The following FBXL17 variants were observed in gnomAD, a reference collection of about 807,000 sequenced individuals.
The protein encoded by FBXL17 is F-box and leucine rich repeat protein 17, also known as F-box/LRR-repeat protein 17.
A neutral mutation model predicts 66.2 loss-of-function variants in FBXL17; 22 were observed. The observed-to-expected ratio is 0.33, with a 90% CI of 0.24 to 0.47. The LOEUF (loss-of-function observed/expected upper bound fraction) is 0.47, where lower values mean the gene tolerates loss of function less well. Among genes scored for constraint, FBXL17 ranks in the 20% least tolerant of loss-of-function variants. The pLI, the probability that FBXL17 is intolerant of heterozygous loss-of-function variation, is 1.00. For synonymous variants in FBXL17, 474 were observed against 400.5 expected, an observed-to-expected ratio of 1.18 and a Z score of -2.19; for missense variants, 878 against 948.2, an observed-to-expected ratio of 0.93 and a Z score of 0.97.
At position 108,157,289 on chromosome 5, in the gene FBXL17, C is replaced by T. The variant is rs117371250; in HGVS notation, c.1745+28828G>A. Among the ~76,000 whole-genome samples the T allele has an allele frequency of 2.1e-3, 325 of 151,622 alleles. 11 individuals are homozygous for T. In the East Asian group the frequency reaches 0.055, roughly 26 times the overall value. On this transcript the variant is annotated intron_variant, in intron 6 of 8. Coordinates refer to ENST00000542267, the MANE Select transcript of FBXL17 (RefSeq NM_001163315.3). Reference sequence around the variant, plus strand: ...AAAGGTTTCTGTCCAAAAGACTTTTCCATTGCAAATAATTCATTTCCTTTG... The same window carrying T: ...AAAGGTTTCTGTCCAAAAGACTTTTTCATTGCAAATAATTCATTTCCTTTG...
At chr5:108,065,242 C>T (rs1441900242) in intron 6 of FBXL17, among the ~76,000 whole-genome samples, 2 of 152,192 alleles carry the variant, frequency 1.3e-5, no homozygotes, top group Non-Finnish European at 2.9e-5. Flanking sequence ...AGCATACATG[C>T]TGTTTTCATG....
chr5:108,248,453 C>T (rs1309077822), intron 4 of FBXL17, among the ~76,000 whole-genome samples: 1 of 152,012 alleles, frequency 6.6e-6, no homozygotes, highest in Non-Finnish European at 1.5e-5. Flanking sequence ...CCTTAGACAC[C>T]TACGTGACTA....
At chr5:107,893,759 G>C (rs1210507159) in intron 7 of FBXL17, among the ~76,000 whole-genome samples, 1 of 152,110 alleles carries the variant, frequency 6.6e-6, no homozygotes, top group Non-Finnish European at 1.5e-5. Context: ...TGACACCTAG[G>C]TGGTATTTCT....
chr5:108,356,168 A>G (rs1003204815), intron 3 of FBXL17, among the ~76,000 whole-genome samples: 1 of 152,196 alleles, frequency 6.6e-6, no homozygotes, highest in African/African-American at 2.4e-5. Flanking sequence ...TAAAGGAGTC[A>G]ACACTCCAAA....
chr5:108,247,761 T>G (rs186417370), intron 4 of FBXL17, among the ~76,000 whole-genome samples: 3 of 152,196 alleles, frequency 2.0e-5, no homozygotes, highest in Non-Finnish European at 4.4e-5. Context: ...GGGCTTTTAG[T>G]GGTTTACATC....
intron 4 of FBXL17, among the ~76,000 whole-genome samples, chr5:108,289,234 A>ATTATTAATT (rs1373214875): frequency 5.3e-5 from 8 of 152,288 alleles, no homozygotes; most frequent in African/African-American, 1.7e-4. Flanking sequence ...ATAATGTGTT[A>ATTATTAATT]TTATTAATTT....
At chr5:107,935,956 T>C (rs1204555833) in intron 7 of FBXL17, among the ~76,000 whole-genome samples, 3 of 152,142 alleles carry the variant, frequency 2.0e-5, no homozygotes, top group Non-Finnish European at 4.4e-5. Context: ...AGTGGGGCTG[T>C]AGGGTCAAGT....
intron 6 of FBXL17, among the ~76,000 whole-genome samples, chr5:108,021,711 G>A (rs760692679): frequency 2.0e-5 from 3 of 151,466 alleles, no homozygotes; most frequent in Admixed American, 6.6e-5. Context: ...ATACAGATTC[G>A]AATGAACTTT....
At chr5:108,139,059 A>C (rs1174588155) in intron 6 of FBXL17, among the ~76,000 whole-genome samples, 1 of 152,196 alleles carries the variant, frequency 6.6e-6, no homozygotes, top group Non-Finnish European at 1.5e-5. Context: ...TAATACTCAG[A>C]TGAAATGATC....
chr5:107,985,513 T>A (rs1473224792), intron 7 of FBXL17, among the ~76,000 whole-genome samples: 1 of 152,236 alleles, frequency 6.6e-6, no homozygotes, highest in Non-Finnish European at 1.5e-5. Context: ...ATGCCTATGA[T>A]GTGTGTTTTC....
chr5:108,050,180 G>A (rs554804384), intron 6 of FBXL17, among the ~76,000 whole-genome samples: 26 of 152,290 alleles, frequency 1.7e-4, no homozygotes, highest in African/African-American at 5.1e-4. Context: ...ATAGATTAAC[G>A]AGACAGAAAA....
At chr5:108,176,141 T>C (rs943702168) in intron 6 of FBXL17, among the ~76,000 whole-genome samples, 1 of 152,186 alleles carries the variant, frequency 6.6e-6, no homozygotes, top group African/African-American at 2.4e-5. Flanking sequence ...TTCTTCATTG[T>C]TGGCAATTTT....
At chr5:108,333,322 G>GCCACATCTGAGA (rs1161165456) in intron 4 of FBXL17, among the ~76,000 whole-genome samples, 1 of 151,928 alleles carries the variant, frequency 6.6e-6, no homozygotes, top group Non-Finnish European at 1.5e-5. Flanking sequence ...GAAGATGTAA[G>GCCACATCTGAGA]GTTACCTGAG....
rs146845013 is a variant in FBXL17 at position 108,124,519 on chromosome 5, G to T, written c.1745+61598C>A. On this transcript the variant is annotated intron_variant, in intron 6 of 8. Transcript: ENST00000542267. Reference sequence around the variant, plus strand: ...ATTTTAAAGAACAAACATAATTACAGGCATTTAAGCCCAGGAATGACTAAA... The same window carrying T: ...ATTTTAAAGAACAAACATAATTACATGCATTTAAGCCCAGGAATGACTAAA... 3.1e-3 allele frequency among the ~76,000 whole-genome samples: 475 copies of T among 152,032 alleles called. 2 individuals carry two copies. Among genetic ancestry groups the T allele is most frequent in the African/African-American group, 0.011 (458 of 41,508 alleles).
At chr5:107,978,227 C>T (rs944648335) in intron 7 of FBXL17, among the ~76,000 whole-genome samples, 5 of 151,662 alleles carry the variant, frequency 3.3e-5, no homozygotes, top group Admixed American at 2.0e-4. Context: ...ACGCTGGCTG[C>T]CTTCACTCAT....
chr5:108,381,808 GCGCACACACA>G lies in FBXL17; in HGVS notation c.-127_-118del, dbSNP rs1023939973. On this transcript the variant is annotated 5_prime_UTR_variant, in exon 1 of 9. Coordinates refer to ENST00000542267, the MANE Select transcript of FBXL17 (RefSeq NM_001163315.3). ...GGCCCCCGGAGGGGTCGCCCTTCCT[GCGCACACACA>G]CGCACACACGGGCACACACGCGACG... is the stretch of plus-strand genomic sequence containing the variant. 1.6e-4 allele frequency: 215 copies of G among 1,352,300 alleles called. No homozygotes were observed. The highest frequency in any genetic ancestry group is 1.8e-4 in the Non-Finnish European group (190 of 1,057,030). 83.8% of individuals were successfully genotyped at this position (1,352,300 alleles called of 1,614,324 possible). A position where few individuals can be genotyped will look rare whatever the true frequency, so the allele number is the denominator to read the frequency against.
intron 7 of FBXL17, among the ~76,000 whole-genome samples, chr5:107,988,183 T>G (rs1753096098): frequency 1.3e-5 from 2 of 152,026 alleles, no homozygotes. Flanking sequence ...AAATATATCC[T>G]GCGTATAATA....
intron 6 of FBXL17, among the ~76,000 whole-genome samples, chr5:108,139,467 A>G (rs939388929): frequency 1.3e-5 from 2 of 152,194 alleles, no homozygotes; most frequent in Non-Finnish European, 2.9e-5. Context: ...CTTCTGCTGG[A>G]GGAAATACAA....
intron 4 of FBXL17, among the ~76,000 whole-genome samples, chr5:108,300,060 T>G (rs560712239): frequency 1.3e-5 from 2 of 152,214 alleles, no homozygotes; most frequent in South Asian, 2.1e-4. Flanking sequence ...TAGATAATCA[T>G]ATATCAGCAG....
Sources: allele counts gnomAD v4.1 joint callset (sites outside exome capture counted in the v4.1 genomes callset), GRCh38; gene constraint gnomAD v4.1.1; transcripts MANE v1.5; gene names NCBI Gene and HGNC (gene_info 2026-07-23, HGNC 2026-07-21).